Variants in RND1 observed in about 807,000 individuals in gnomAD.
RND1 encodes Rho family GTPase 1.
Under a neutral mutation model 27.1 loss-of-function variants are expected in RND1, and 9 were observed. That is an observed-to-expected ratio of 0.33 (90% CI 0.20 to 0.58). The LOEUF (loss-of-function observed/expected upper bound fraction) is 0.58. RND1 is among the 20% of genes least tolerant of loss of function. The probability of loss-of-function intolerance (pLI) is 0.86; values close to 1 mark genes in which losing one functional copy is unlikely to be tolerated. For synonymous variants in RND1, 108 were observed against 115.7 expected (o/e 0.93, Z 0.43); for missense variants, 253 against 292.2 (o/e 0.87, Z 0.98).
At chr12:48,860,902 A>G (rs1361508662) in intron 4 of RND1, 95 bp downstream of exon 4, 8 of 1,553,960 alleles carry the variant, frequency 5.1e-6, no homozygotes, top group Admixed American at 3.4e-5. Flanking sequence ...CTCTCTTGCC[A>G]TAGTGGAAGA....
chr12:48,862,351 A>G (rs753736793), intron 2 of RND1: 1 of 463,546 alleles, frequency 2.2e-6, no homozygotes, highest in Non-Finnish European at 3.8e-6. Context: ...AAGTGGGTGG[A>G]GTATAATTTG....
At position 48,857,720 on chromosome 12, in the gene RND1, C is replaced by T. The variant is rs762663240; in HGVS notation, c.*276G>A. On this transcript the variant is annotated 3_prime_UTR_variant, in exon 5 of 5. Transcript: ENST00000309739. Reference sequence around the variant, plus strand: ...AGGCCAGCATGCCCCCCGTCCCCCACAGCTTTCCTTCCTCTGGAGCGGGGG... The same window carrying T: ...AGGCCAGCATGCCCCCCGTCCCCCATAGCTTTCCTTCCTCTGGAGCGGGGG... 6 of 316,344 alleles carry T rather than the reference C, an allele frequency of 1.9e-5. No individual in the cohort carries two copies. Among genetic ancestry groups the T allele is most frequent in the Admixed American group, 4.7e-5 (1 of 21,188 alleles). The allele number at this position is 316,344 out of a possible 1,614,324, so 19.6% of individuals were successfully genotyped here.
intron 3 of RND1, 92 bp from the exon 4 acceptor site, chr12:48,861,223 T>A: frequency 8.0e-7 from 1 of 1,244,854 alleles, no homozygotes; most frequent in Non-Finnish European, 1.1e-6. Flanking sequence ...GCTGGCAACG[T>A]CACACACATC....
chr12:48,864,997 C>A, intron 1 of RND1, 127 bp from the exon 2 acceptor site: 1 of 761,228 alleles, frequency 1.3e-6, no homozygotes, highest in South Asian at 1.4e-5. Context: ...AGAGGAGATG[C>A]CTGGGGCAGG....
At chr12:48,865,256 C>G in intron 1 of RND1, 1 of 375,384 alleles carries the variant, frequency 2.7e-6, no homozygotes. Context: ...GCTGCAGAAG[C>G]CTGCCTGAAG....
At chr12:48,863,401 A>C (rs1199540071) in intron 2 of RND1, among the ~76,000 whole-genome samples, 2 of 151,848 alleles carry the variant, frequency 1.3e-5, no homozygotes, top group Non-Finnish European at 2.9e-5. Flanking sequence ...TGAGGGCTGC[A>C]TTCTGACTGT....
At chr12:48,858,919 G>C (rs1472998597) in intron 4 of RND1, 1 of 147,834 alleles carries the variant, frequency 6.8e-6, no homozygotes, top group Non-Finnish European at 1.5e-5. Flanking sequence ...AAAAATTCTG[G>C]GTATAGAGCC....
chr12:48,857,627 G>GCATGGAAAC lies in RND1; in HGVS notation c.*360_*368dup. 1 of 168,730 alleles carries GCATGGAAAC rather than the reference G, an allele frequency of 5.9e-6. No homozygotes were observed. The highest frequency in any genetic ancestry group is 1.3e-5 in the Non-Finnish European group (1 of 78,776). 10.5% of individuals were successfully genotyped at this position (168,730 alleles called of 1,614,324 possible). A position where few individuals can be genotyped will look rare whatever the true frequency, so the allele number is the denominator to read the frequency against. On this transcript the variant is annotated 3_prime_UTR_variant, in exon 5 of 5. Coordinates refer to ENST00000309739, the MANE Select transcript of RND1 (RefSeq NM_014470.4). ...AGGGACCCCTCCCATCCCCTGACCT[G>GCATGGAAAC]CATGGAAACGCTGTGTGGAAGAGGC...
chr12:48,864,944 G>T (rs112282421), intron 1 of RND1, 74 bp from the exon 2 acceptor site: 2 of 1,062,834 alleles, frequency 1.9e-6, no homozygotes, highest in Non-Finnish European at 2.9e-6. Flanking sequence ...GGCTACACAC[G>T]CACTCACCAG....
Position 48,857,363 on chromosome 12 carries a change from G to GGGGTCT in RND1, c.*627_*632dup, listed in dbSNP as rs1300782522. ...CCACCCCCACACTCTGCAAGAGAAG[G>GGGGTCT]GGGTCTGGGGCTTCTCCCTTGGACC... On this transcript the variant is annotated 3_prime_UTR_variant, in exon 5 of 5. Coordinates refer to ENST00000309739, the MANE Select transcript of RND1 (RefSeq NM_014470.4). The GGGGTCT allele has an allele frequency of 6.6e-6, 1 of 152,562 alleles. No individual in the cohort carries two copies. Among genetic ancestry groups the GGGGTCT allele is most frequent in the African/African-American group, 2.4e-5 (1 of 41,390 alleles). The allele number at this position is 152,562 out of a possible 1,614,324, so 9.5% of individuals were successfully genotyped here.
At chr12:48,862,771 G>A (rs1387881275) in intron 2 of RND1, among the ~76,000 whole-genome samples, 1 of 152,210 alleles carries the variant, frequency 6.6e-6, no homozygotes, top group Admixed American at 6.6e-5. Context: ...GCTAGAGCAA[G>A]AGTCCTTCGT....
chr12:48,859,089 G>A (rs1938883106), intron 4 of RND1: 1 of 150,938 alleles, frequency 6.6e-6, no homozygotes, highest in Non-Finnish European at 1.5e-5. Context: ...CTCCCGAGTA[G>A]CTGGGACTAC....
In RND1 at chr12:48,865,690, C is replaced by T. The variant is rs1414651824; in HGVS notation, c.78G>A (p.Lys26=). Residue 26 remains lysine, a synonymous_variant, in exon 1 of 5, where the codon AAG becomes AAA. Transcript: ENST00000309739. ...LVLVGDVQCG[K]TAMLQVLAKD... is the part of the protein sequence containing the mutation. ...TCGCTAACACTTGCAACATCGCGGT[C>T]TTCCCACACTGCACGTCCCCGACCA... The T allele has an allele frequency of 6.2e-7, 1 of 1,614,056 alleles. No individual in the cohort carries two copies. The highest frequency in any genetic ancestry group is 2.2e-5 in the East Asian group (1 of 44,898).
chr12:48,865,817 G>A lies in RND1; in HGVS notation c.-50C>T, dbSNP rs975617502. The A allele has an allele frequency of 1.9e-6, 3 of 1,540,200 alleles. No homozygotes were observed. Among genetic ancestry groups the A allele is most frequent in the Middle Eastern group, 1.8e-4 (1 of 5,690 alleles). ...ACTTCGATTCAGAAGGGAGGGTTGC[G>A]CCAGGTGCGTCTCAGCACGCCAATC... On this transcript the variant is annotated 5_prime_UTR_variant, in exon 1 of 5. Coordinates refer to ENST00000309739, the MANE Select transcript of RND1 (RefSeq NM_014470.4).
Position 48,857,774 on chromosome 12 carries a change from A to G in RND1, c.*222T>C. The G allele has an allele frequency of 2.3e-6, 1 of 443,500 alleles. No homozygotes were observed. The highest frequency in any genetic ancestry group is 4.0e-5 in the East Asian group (1 of 25,108). The allele number at this position is 443,500 out of a possible 1,614,324, so 27.5% of individuals were successfully genotyped here. Reference sequence around the variant, plus strand: ...CACTGGGGTAGTCGCCCCCTCCAAAATCTAGTGCCTGGCTTGGGGTATGAT... The same window carrying G: ...CACTGGGGTAGTCGCCCCCTCCAAAGTCTAGTGCCTGGCTTGGGGTATGAT... On this transcript the variant is annotated 3_prime_UTR_variant, in exon 5 of 5. Coordinates refer to ENST00000309739, the MANE Select transcript of RND1 (RefSeq NM_014470.4).
intron 3 of RND1, 37 bp from the exon 4 acceptor site, chr12:48,861,168 G>A (rs1938915053): frequency 6.4e-7 from 1 of 1,573,126 alleles, no homozygotes; most frequent in East Asian, 2.3e-5. Context: ...AGGAGAAGGA[G>A]GAAGGAAGGA....
Position 48,865,777 on chromosome 12 carries a change from G to A in RND1, c.-10C>T. 2 of 1,581,184 alleles carry A rather than the reference G, an allele frequency of 1.3e-6. No homozygotes were observed. Among genetic ancestry groups the A allele is most frequent in the Non-Finnish European group, 1.7e-6 (2 of 1,158,284 alleles). On this transcript the variant is annotated 5_prime_UTR_variant, in exon 1 of 5. Transcript: ENST00000309739. ...CCCGTCTCTCCTTCATGGTTGCAGT[G>A]TCCGCGGGACTTGAACTTCGATTCA...
chr12:48,862,009 C>T lies in RND1; in HGVS notation c.318G>A (p.Lys106=), dbSNP rs147876425. Residue 106 remains lysine (K), a splice_region_variant and synonymous_variant, in exon 3 of 5, where the codon AAG becomes AAA. Coordinates refer to ENST00000309739, the MANE Select transcript of RND1 (RefSeq NM_014470.4). ...GATTAGAGAGTTGATCTAGTCTTAC[C>T]TTCTTGAGTGCGCTGTCCACTGTCT... ...RPETVDSALK[K]WRTEILDYCP... 4.4e-5 allele frequency: 68 copies of T among 1,557,888 alleles called. No homozygotes were observed. The African/African-American group carries it at 8.5e-4, about 19-fold the overall frequency.
At chr12:48,864,455 A>G (rs564852943) in intron 2 of RND1, among the ~76,000 whole-genome samples, 2 of 149,424 alleles carry the variant, frequency 1.3e-5, no homozygotes, top group East Asian at 3.9e-4. Context: ...GTACGCGTGC[A>G]TGTTGGGTGG....
Sources: allele counts gnomAD v4.1 joint callset (sites outside exome capture counted in the v4.1 genomes callset), GRCh38; gene constraint gnomAD v4.1.1; transcripts MANE v1.5; gene names NCBI Gene and HGNC (gene_info 2026-07-23, HGNC 2026-07-21).